The following HABP4 variants were observed in gnomAD, a reference collection of about 807,000 sequenced individuals.
The protein encoded by HABP4 is intracellular hyaluronan-binding protein 4.
HABP4 carries 32 observed loss-of-function variants against 44.1 expected under a neutral mutation model. The ratio of observed to expected loss-of-function variants is 0.73; its 90% CI spans 0.55 to 0.97. HABP4 has a LOEUF of 0.97. HABP4 is among the 50% of genes least tolerant of loss of function. The pLI, the probability that HABP4 is intolerant of heterozygous loss-of-function variation, is 0.00. For missense variants in HABP4, 503 were observed against 561.9 expected (o/e 0.90, Z 1.06); for synonymous variants, 216 against 218.0 (o/e 0.99, Z 0.08).
chr9:96,452,421 T>C (rs555902547), intron 1 of HABP4, among the ~76,000 whole-genome samples: 4 of 152,264 alleles, frequency 2.6e-5, no homozygotes, highest in South Asian at 4.1e-4. Flanking sequence ...TATACATAAA[T>C]GCACAGAGCT....
intron 1 of HABP4, among the ~76,000 whole-genome samples, chr9:96,456,526 C>T (rs1007718766): frequency 1.3e-5 from 2 of 150,264 alleles, no homozygotes; most frequent in East Asian, 2.0e-4. Flanking sequence ...TTTGGGAGGC[C>T]GAGGTGAGCA....
chr9:96,476,391 T>C (rs1832786665), intron 5 of HABP4, among the ~76,000 whole-genome samples: 1 of 152,274 alleles, frequency 6.6e-6, no homozygotes, highest in African/African-American at 2.4e-5. Context: ...GTATGATTTC[T>C]ATAATTTCAC....
intron 2 of HABP4, among the ~76,000 whole-genome samples, chr9:96,460,472 A>T (rs1013967978): frequency 6.6e-6 from 1 of 152,260 alleles, no homozygotes; most frequent in African/African-American, 2.4e-5. Context: ...AGTCATTAAA[A>T]TGAATACAAT....
chr9:96,465,023 G>A (rs1587677327), intron 2 of HABP4, among the ~76,000 whole-genome samples: 3 of 152,260 alleles, frequency 2.0e-5, no homozygotes, highest in Admixed American at 2.0e-4. Flanking sequence ...TTAGTACTAT[G>A]CCTGTCTAGC....
chr9:96,471,438 G>T (rs1232377044), intron 5 of HABP4, among the ~76,000 whole-genome samples: 1 of 152,014 alleles, frequency 6.6e-6, no homozygotes, highest in Non-Finnish European at 1.5e-5. Context: ...ACCGCACCTG[G>T]CCTTTCTTGA....
At chr9:96,456,780 AATATAT>A (rs71368267) in intron 1 of HABP4, among the ~76,000 whole-genome samples, 771 of 44,700 alleles carry the variant, frequency 0.017, 22 homozygotes, top group Non-Finnish European at 0.018. Context: ...AAAAAAAAAA[AATATAT>A]ATATATATAT....
rs890346833 is a variant in HABP4 at position 96,490,827 on chromosome 9, G to A, written c.*789G>A. On this transcript the variant is annotated 3_prime_UTR_variant, in exon 8 of 8. Transcript: ENST00000375249. ...CATCCTTTTCTTCCGCAGAACTAGA[G>A]TCAGAGTTCGGCAGCTGCGTACAAA... 6.6e-6 allele frequency: 1 copy of A among 152,224 alleles called. No homozygotes were observed. Among genetic ancestry groups the A allele is most frequent in the Non-Finnish European group, 1.5e-5 (1 of 68,052 alleles). The allele number at this position is 152,224 out of a possible 1,614,324, so 9.4% of individuals were successfully genotyped here.
chr9:96,450,367 C>T lies in HABP4; in HGVS notation c.88C>T (p.Gln30Ter), dbSNP rs1349965044. 1.4e-6 allele frequency: 2 copies of T among 1,429,940 alleles called. No individual in the cohort carries two copies. The highest frequency in any genetic ancestry group is 9.3e-7 in the Non-Finnish European group (1 of 1,077,668). 88.6% of individuals were successfully genotyped at this position (1,429,940 alleles called of 1,614,324 possible). A position where few individuals can be genotyped will look rare whatever the true frequency, so the allele number is the denominator to read the frequency against. ...FGCVVANRFH[Q>*]LLDDESDPFD... ...CTGCGTGGTGGCCAACCGCTTCCAT[C>T]AGCTGCTGGACGACGAGTCGGACCC... The change falls in exon 1 of 8, where the codon CAG becomes TAG. Residue 30 changes from glutamine (Q) to a stop codon, truncating the protein, a stop_gained. Transcript: ENST00000375249. LOFTEE classifies it high-confidence loss of function. This position sits in a 1 kb window ranked among gnomAD's most constrained non-coding sequence, Gnocchi z 4.8.
chr9:96,468,554 C>T lies in HABP4; in HGVS notation c.744-2457C>T, dbSNP rs575776524. On this transcript the variant is annotated intron_variant, in intron 4 of 7. Transcript: ENST00000375249. ...GATTATAGACGTGAGCCACCGTGCC[C>T]GGCCTTTTTTGTATTTTTAGTAGAG... Among the ~76,000 whole-genome samples the T allele has an allele frequency of 5.9e-5, 9 of 152,042 alleles. No homozygotes were observed. In the East Asian group the frequency reaches 1.2e-3, roughly 20 times the overall value.
intron 4 of HABP4, among the ~76,000 whole-genome samples, chr9:96,468,228 G>A (rs964653820): frequency 2.7e-5 from 4 of 150,448 alleles, no homozygotes; most frequent in Admixed American, 6.6e-5. Flanking sequence ...GACTACAGGC[G>A]CATGCCACCA....
chr9:96,462,644 G>A (rs1468534515), intron 2 of HABP4, among the ~76,000 whole-genome samples: 2 of 151,716 alleles, frequency 1.3e-5, no homozygotes, highest in Admixed American at 6.6e-5. Context: ...GTTTACTGTT[G>A]GCTGGGCACA....
rs1253209275 is a variant in HABP4 at position 96,458,527 on chromosome 9, G to A, written c.498G>A (p.Lys166=). ...TERQADFTAE[K]FPDEKPGDRF... ...GGCAGGCAGACTTCACAGCTGAGAA[G>A]TTTCCAGATGAAAAGTATGTGCTGC... is the stretch of plus-strand genomic sequence containing the variant. Residue 166 remains lysine, a synonymous_variant, in exon 2 of 8, where the codon AAG becomes AAA. Transcript: ENST00000375249. 1.9e-6 allele frequency: 3 copies of A among 1,612,864 alleles called. No homozygotes were observed. The highest frequency in any genetic ancestry group is 2.5e-6 in the Non-Finnish European group (3 of 1,178,982).
intron 2 of HABP4, among the ~76,000 whole-genome samples, chr9:96,463,061 A>G (rs578207594): frequency 1.3e-5 from 2 of 149,692 alleles, no homozygotes; most frequent in East Asian, 2.0e-4. Context: ...CTCCCACTTC[A>G]GCCTCCTGAG....
At chr9:96,455,991 G>A (rs556293282) in intron 1 of HABP4, among the ~76,000 whole-genome samples, 114 of 152,176 alleles carry the variant, frequency 7.5e-4, no homozygotes, top group African/African-American at 2.5e-3. Context: ...GGAGGCGGAG[G>A]TTGCAGTGAG....
At chr9:96,468,380 C>G (rs901256823) in intron 4 of HABP4, among the ~76,000 whole-genome samples, 1 of 152,006 alleles carries the variant, frequency 6.6e-6, no homozygotes, top group African/African-American at 2.4e-5. Flanking sequence ...GCCTCAGCTT[C>G]CCCCGCAGCT....
chr9:96,483,829 G>A (rs1334158020), intron 5 of HABP4: 1 of 152,102 alleles, frequency 6.6e-6, no homozygotes, highest in Non-Finnish European at 1.5e-5. Context: ...ATGGTGTGAG[G>A]TAGGTCTAAC....
At chr9:96,454,496 G>C in intron 1 of HABP4, among the ~76,000 whole-genome samples, 1 of 149,324 alleles carries the variant, frequency 6.7e-6, no homozygotes, top group South Asian at 2.1e-4. Context: ...TGTTGCCCAG[G>C]CTGAAGTGCA....
chr9:96,461,088 G>A (rs1167155981), intron 2 of HABP4, among the ~76,000 whole-genome samples: 3 of 152,180 alleles, frequency 2.0e-5, no homozygotes. Context: ...CAAGTGGGAA[G>A]CCTGAAGCCC....
rs79936641 is a variant in HABP4, at chr9:96,472,190, C to T, written c.827+1096C>T. On this transcript the variant is annotated intron_variant, in intron 5 of 7. Transcript: ENST00000375249. ...CCTCCTGGGTGACTCCACTATCTGC[C>T]TTCTCTCTGCCTGTTCCCACAAGCT... is the stretch of plus-strand genomic sequence containing the variant. Among the ~76,000 whole-genome samples the T allele has an allele frequency of 3.5e-4, 54 of 152,218 alleles. 1 individual carries two copies. The East Asian group carries it at 0.01, about 29-fold the overall frequency.
Sources: allele counts gnomAD v4.1 joint callset (sites outside exome capture counted in the v4.1 genomes callset), GRCh38; gene constraint gnomAD v4.1.1; non-coding constraint Gnocchi (gnomAD v3.1); transcripts MANE v1.5; gene names NCBI Gene and HGNC (gene_info 2026-07-23, HGNC 2026-07-21).